The following RBFOX3 variants were observed in gnomAD, a reference collection of about 807,000 sequenced individuals.
The protein encoded by RBFOX3 is RNA binding fox-1 homolog 3.
RBFOX3 carries 17 observed loss-of-function variants against 48.7 expected under a neutral mutation model. That is an observed-to-expected ratio of 0.35 (90% CI 0.24 to 0.52). The LOEUF is 0.52. RBFOX3 is among the 20% of genes least tolerant of loss of function. The pLI, the probability that RBFOX3 is intolerant of heterozygous loss-of-function variation, is 0.94. For missense variants in RBFOX3, 382 were observed against 497.5 expected, an observed-to-expected ratio of 0.77 and a Z score of 2.21; for synonymous variants, 212 against 209.5, an observed-to-expected ratio of 1.01 and a Z score of -0.10.
intron 3 of RBFOX3, among the ~76,000 whole-genome samples, chr17:79,256,054 C>T (rs2064789657): frequency 1.3e-5 from 2 of 151,874 alleles, no homozygotes; most frequent in African/African-American, 4.8e-5. Context: ...ATACCACCAA[C>T]TTCCCTGGTG....
intron 4 of RBFOX3, among the ~76,000 whole-genome samples, chr17:79,208,964 C>T (rs1232390833): frequency 3.3e-5 from 5 of 152,116 alleles, no homozygotes; most frequent in Non-Finnish European, 5.9e-5. Context: ...TACAGGCACC[C>T]GCCACCACGC....
intron 1 of RBFOX3, among the ~76,000 whole-genome samples, chr17:79,510,339 C>A (rs1555780524): frequency 6.6e-6 from 1 of 152,204 alleles, no homozygotes; most frequent in Admixed American, 6.5e-5. Context: ...CCGCTGCGCA[C>A]CCACCGCCAG....
chr17:79,490,423 C>A (rs1555771886), intron 1 of RBFOX3, among the ~76,000 whole-genome samples: 1 of 152,148 alleles, frequency 6.6e-6, no homozygotes, highest in African/African-American at 2.4e-5. Flanking sequence ...ACTGCCTGAC[C>A]CGGGTTCAGT....
At chr17:79,223,130 C>T (rs1365740174) in intron 4 of RBFOX3, among the ~76,000 whole-genome samples, 2 of 152,186 alleles carry the variant, frequency 1.3e-5, no homozygotes, top group Non-Finnish European at 2.9e-5. Flanking sequence ...CAGGCAGGGC[C>T]TCTGCCAAGT....
In RBFOX3 at chr17:79,520,035, C is replaced by G. The variant is rs1242512587; in HGVS notation, c.-319-37437G>C. The stretch of plus-strand genomic sequence containing the variant: ...CCTCAACCTCAGTGGTCCACAAAGC[C>G]CGTTGAAAGTCACCAAGCCAGGTCT... On this transcript the variant is annotated intron_variant, in intron 1 of 14. Transcript: ENST00000693108. Among the ~76,000 whole-genome samples the G allele has an allele frequency of 1.3e-5, 2 of 152,184 alleles. 1 individual carries two copies. The highest frequency in any genetic ancestry group is 3.9e-4 in the East Asian group (2 of 5,190).
intron 3 of RBFOX3, among the ~76,000 whole-genome samples, chr17:79,240,830 AT>A (rs1337183247): frequency 6.6e-6 from 1 of 151,242 alleles, no homozygotes; most frequent in East Asian, 2.0e-4. Flanking sequence ...CACCCAGCTA[AT>A]TTTTTTGTAT....
chr17:79,104,003 A>C, intron 7 of RBFOX3, 70 bp downstream of exon 7: 7 of 1,361,400 alleles, frequency 5.1e-6, no homozygotes, highest in Non-Finnish European at 7.2e-6. Context: ...AAGGAAACGC[A>C]CATTTCACAC....
In RBFOX3 at chr17:79,212,965, CT is replaced by C. The variant is rs2058570856; in HGVS notation, c.-34+22800del. On this transcript the variant is annotated intron_variant, in intron 4 of 14. Transcript: ENST00000693108. This position sits in a 1 kb window ranked among gnomAD's most constrained non-coding sequence, Gnocchi z 4.7. ...CGTCTCCCAGGTTCAAGAGATTCTC[CT>C]GCCTCAGCCTCCTGAGTAGCTGGGA... Among the ~76,000 whole-genome samples the C allele has an allele frequency of 6.9e-6, 1 of 144,206 alleles. No individual in the cohort carries two copies. Among genetic ancestry groups the C allele is most frequent in the African/African-American group, 2.5e-5 (1 of 39,582 alleles). 94.6% of individuals were successfully genotyped at this position (144,206 alleles called of 152,430 possible). A position where few individuals can be genotyped will look rare whatever the true frequency, so the allele number is the denominator to read the frequency against.
the RBFOX3 span, among the ~76,000 whole-genome samples, chr17:79,658,791 C>T: frequency 6.6e-6 from 1 of 152,096 alleles, no homozygotes; most frequent in Non-Finnish European, 1.5e-5. Flanking sequence ...GCTCATTCAT[C>T]GGCCCTGAAA....
At chr17:79,382,935 G>A (rs554335458) in intron 2 of RBFOX3, among the ~76,000 whole-genome samples, 45 of 152,064 alleles carry the variant, frequency 3.0e-4, no homozygotes, top group African/African-American at 1.0e-3. Flanking sequence ...TTGAATGGCT[G>A]GTTTAAATTT....
chr17:79,423,208 C>T lies in RBFOX3; in HGVS notation c.-175+59246G>A, dbSNP rs1555723698. Among the ~76,000 whole-genome samples, 1 of 152,186 alleles carries T rather than the reference C, an allele frequency of 6.6e-6. No individual in the cohort carries two copies. Among genetic ancestry groups the T allele is most frequent in the East Asian group, 1.9e-4 (1 of 5,184 alleles). On this transcript the variant is annotated intron_variant, in intron 2 of 14. Transcript: ENST00000693108. This position sits in a 1 kb window ranked among gnomAD's most constrained non-coding sequence, Gnocchi z 4.9. ...ATGTCCAAAACCAAACTCCTCACGT[C>T]CTGCGGTCTCCCCGTGGAAGCCCCA...
At chr17:79,567,712 G>C (rs966030239) in intron 1 of RBFOX3, among the ~76,000 whole-genome samples, 9 of 152,154 alleles carry the variant, frequency 5.9e-5, no homozygotes, top group African/African-American at 1.2e-4. Flanking sequence ...GTACCTCTTA[G>C]GGCTGTCGTA....
At chr17:79,431,167 C>T (rs1400119491) in intron 2 of RBFOX3, among the ~76,000 whole-genome samples, 4 of 152,120 alleles carry the variant, frequency 2.6e-5, no homozygotes, top group African/African-American at 4.8e-5. Context: ...CTGAGGAACA[C>T]GAAGGTGTGA....
At chr17:79,169,035 G>A (rs116670168) in intron 4 of RBFOX3, among the ~76,000 whole-genome samples, 2,659 of 152,290 alleles carry the variant, frequency 0.017, 85 homozygotes, top group African/African-American at 0.061. Context: ...CCACACTGCC[G>A]CTGAGTGGAG....
intron 3 of RBFOX3, among the ~76,000 whole-genome samples, chr17:79,244,188 G>T (rs1053199924): frequency 1.3e-5 from 2 of 152,204 alleles, no homozygotes; most frequent in Non-Finnish European, 2.9e-5. Context: ...AATGCCCGGG[G>T]TCCTCATCAG....
intron 7 of RBFOX3, 36 bp downstream of exon 7, chr17:79,104,037 C>G (rs745716103): frequency 5.9e-6 from 9 of 1,525,414 alleles, no homozygotes; most frequent in Non-Finnish European, 8.0e-6. Context: ...GACCTACAGC[C>G]GGCGCTGTAA....
chr17:79,271,097 C>T (rs888651273), intron 3 of RBFOX3, among the ~76,000 whole-genome samples: 24 of 146,380 alleles, frequency 1.6e-4, no homozygotes, highest in African/African-American at 4.6e-4. Flanking sequence ...TTTTTTGAGA[C>T]GGAGTTTTGC....
chr17:79,546,199 C>G (rs781260452), intron 1 of RBFOX3, among the ~76,000 whole-genome samples: 2 of 152,210 alleles, frequency 1.3e-5, no homozygotes, highest in African/African-American at 2.4e-5. Context: ...GAACGACAAC[C>G]ATGTAGACCC....
chr17:79,193,176 T>G (rs2054863256), intron 4 of RBFOX3, among the ~76,000 whole-genome samples: 1 of 152,182 alleles, frequency 6.6e-6, no homozygotes, highest in South Asian at 2.1e-4. Flanking sequence ...CAAAGCACCT[T>G]TTATAGACCT....
Sources: gnomAD v4.1 joint callset for allele counts (sites outside exome capture counted in the v4.1 genomes callset) on GRCh38, gnomAD v4.1.1 for gene constraint, Gnocchi (gnomAD v3.1) non-coding constraint, MANE v1.5 for transcripts, NCBI Gene and HGNC (gene_info 2026-07-23, HGNC 2026-07-21) for gene names.